ERBB4: variants seen among roughly 807,000 people sequenced by gnomAD.
ERBB4 encodes receptor tyrosine-protein kinase erbB-4.
Under a neutral mutation model 158.0 loss-of-function variants are expected in ERBB4, and 42 were observed. The observed-to-expected ratio is 0.27, with a 90% confidence interval of 0.21 to 0.34. The LOEUF (loss-of-function observed/expected upper bound fraction) is 0.34. Among genes scored for constraint, ERBB4 ranks in the 10% least tolerant of loss-of-function variants. The pLI, the probability that ERBB4 is intolerant of heterozygous loss-of-function variation, is 1.00. For missense variants in ERBB4, 1,333 were observed against 1,624.1 expected (o/e 0.82, Z 3.08); for synonymous variants, 583 against 558.7 (o/e 1.04, Z -0.61).
At chr2:212,132,880 TTAAC>T (rs1447014118) in intron 1 of ERBB4, among the ~76,000 whole-genome samples, 1 of 151,998 alleles carries the variant, frequency 6.6e-6, no homozygotes, top group South Asian at 2.1e-4. Flanking sequence ...ACATAGAAAA[TTAAC>T]TATCATAAGC....
chr2:212,427,320 G>A (rs1349763657), intron 1 of ERBB4, among the ~76,000 whole-genome samples: 1 of 152,132 alleles, frequency 6.6e-6, no homozygotes, highest in Non-Finnish European at 1.5e-5. Flanking sequence ...AGGTAGAGAT[G>A]ACAGTTTATC....
chr2:211,731,640 T>C (rs531762894), intron 5 of ERBB4, among the ~76,000 whole-genome samples: 1 of 152,274 alleles, frequency 6.6e-6, no homozygotes, highest in South Asian at 2.1e-4. Flanking sequence ...AGGTACCCTC[T>C]AGCTCTAAGA....
At chr2:211,872,468 CTTT>C (rs1192070241) in intron 3 of ERBB4, among the ~76,000 whole-genome samples, 1 of 152,080 alleles carries the variant, frequency 6.6e-6, no homozygotes, top group Non-Finnish European at 1.5e-5. Flanking sequence ...CAGTCTTGTC[CTTT>C]TTAAGATTTA....
rs116395564 is a variant in ERBB4 at position 211,378,666 on chromosome 2, G to A, written c.*4949C>T. 0.015 allele frequency: 3,560 copies of A among 232,192 alleles called. 114 individuals are homozygous for A. The highest frequency in any genetic ancestry group is 0.069 in the African/African-American group (3,125 of 45,284). 14.4% of individuals were successfully genotyped at this position (232,192 alleles called of 1,614,324 possible). A position where few individuals can be genotyped will look rare whatever the true frequency, so the allele number is the denominator to read the frequency against. ...CCATTGTAATATCAGTAATAATGAG[G>A]TCTCCACTGATAATGATCTTTTAAA... On this transcript the variant is annotated 3_prime_UTR_variant, in exon 28 of 28. Coordinates refer to ENST00000342788, the MANE Select transcript of ERBB4 (RefSeq NM_005235.3).
At chr2:212,102,678 T>G (rs1467876826) in intron 2 of ERBB4, among the ~76,000 whole-genome samples, 1 of 152,162 alleles carries the variant, frequency 6.6e-6, no homozygotes, top group East Asian at 1.9e-4. Context: ...CTACTTGATA[T>G]ATCTCACTTT....
intron 1 of ERBB4, among the ~76,000 whole-genome samples, chr2:212,347,848 G>C (rs2089079971): frequency 1.3e-5 from 2 of 151,980 alleles, no homozygotes. Context: ...ATAAGTTTTA[G>C]TGGTCTGGTC....
intron 18 of ERBB4, among the ~76,000 whole-genome samples, chr2:211,622,487 G>T (rs2069641373): frequency 6.6e-6 from 1 of 152,018 alleles, no homozygotes; most frequent in Admixed American, 6.6e-5. Context: ...AAGGATATTA[G>T]ATTATTTTGG....
chr2:212,106,291 G>A lies in ERBB4; in HGVS notation c.234+18461C>T, dbSNP rs558612954. ...AATCCAAGCTGAGGTAGTCTCAGAT[G>A]GAGATGAAGAACTTGTTGGGAAGTG... On this transcript the variant is annotated intron_variant, in intron 2 of 27. Coordinates refer to ENST00000342788, the MANE Select transcript of ERBB4 (RefSeq NM_005235.3). Among the ~76,000 whole-genome samples, 132 of 152,282 alleles carry A rather than the reference G, an allele frequency of 8.7e-4. 1 individual carries two copies. Among genetic ancestry groups the A allele is most frequent in the African/African-American group, 2.9e-3 (120 of 41,568 alleles).
At chr2:211,709,319 G>A (rs1449738876) in intron 9 of ERBB4, among the ~76,000 whole-genome samples, 1 of 143,720 alleles carries the variant, frequency 7.0e-6, no homozygotes, top group Admixed American at 6.8e-5. Context: ...GAGAGAGAGA[G>A]AGAGTAATTT....
intron 1 of ERBB4, among the ~76,000 whole-genome samples, chr2:212,128,144 C>T (rs1268673562): frequency 1.3e-5 from 2 of 152,122 alleles, no homozygotes; most frequent in Admixed American, 6.5e-5. Flanking sequence ...TCATTTATTG[C>T]CTTTGAGAAT....
At chr2:211,990,574 T>C (rs958073784) in intron 2 of ERBB4, among the ~76,000 whole-genome samples, 2 of 151,726 alleles carry the variant, frequency 1.3e-5, no homozygotes, top group Non-Finnish European at 2.9e-5. Flanking sequence ...TTCAGGCAGT[T>C]CCCAATTTAG....
rs191508765 is a variant in ERBB4 at position 211,548,929 on chromosome 2, C to T, written c.2487+12974G>A. Among the ~76,000 whole-genome samples, 331 of 152,198 alleles carry T rather than the reference C, an allele frequency of 2.2e-3. 4 individuals carry two copies. The highest frequency in any genetic ancestry group is 2.7e-3 in the Non-Finnish European group (184 of 68,012). Reference sequence around the variant, plus strand: ...AGACCTTCTGGGGCTCCTTCCTGCACCAACATTTCAATAGACTCTGCTAAT... The same window carrying T: ...AGACCTTCTGGGGCTCCTTCCTGCATCAACATTTCAATAGACTCTGCTAAT... On this transcript the variant is annotated intron_variant, in intron 20 of 27. Coordinates refer to ENST00000342788, the MANE Select transcript of ERBB4 (RefSeq NM_005235.3).
chr2:211,907,912 G>T (rs540222858), intron 3 of ERBB4, among the ~76,000 whole-genome samples: 1 of 151,732 alleles, frequency 6.6e-6, no homozygotes, highest in African/African-American at 2.4e-5. Context: ...TATGCAAAAA[G>T]TTATACAGCA....
chr2:211,388,116 A>C, intron 25 of ERBB4, 124 bp from the exon 26 acceptor site: 1 of 753,554 alleles, frequency 1.3e-6, no homozygotes, highest in Non-Finnish European at 2.4e-6. Context: ...AAAGTGCACA[A>C]CAGTGAAGCT....
chr2:211,648,540 A>C (rs1476778796), intron 16 of ERBB4, among the ~76,000 whole-genome samples: 1 of 151,804 alleles, frequency 6.6e-6, no homozygotes, highest in Non-Finnish European at 1.5e-5. Context: ...ATTGTGAAAT[A>C]ACATATATGG....
chr2:212,378,183 G>A (rs989673218), intron 1 of ERBB4, among the ~76,000 whole-genome samples: 12 of 151,856 alleles, frequency 7.9e-5, no homozygotes, highest in South Asian at 2.1e-4. Context: ...TGGGACTACC[G>A]TCATTAATGC....
At chr2:212,050,357 T>C (rs1378159618) in intron 2 of ERBB4, among the ~76,000 whole-genome samples, 1 of 152,166 alleles carries the variant, frequency 6.6e-6, no homozygotes, top group South Asian at 2.1e-4. Flanking sequence ...CACATTATCA[T>C]TTTAGCTTTC....
rs1491239788 is a variant in ERBB4 at position 211,939,966 on chromosome 2, A to AAAAAAAATATATAT, written c.421+7463_421+7464insATATATATTTTTTT. On this transcript the variant is annotated intron_variant, in intron 3 of 27. Coordinates refer to ENST00000342788, the MANE Select transcript of ERBB4 (RefSeq NM_005235.3). ...CGTCTCAAAAAAAAAGGAAAAAAAA[A>AAAAAAAATATATAT]ATATATATATATATGTATATAGATA... Among the ~76,000 whole-genome samples the AAAAAAAATATATAT allele has an allele frequency of 2.8e-4, 39 of 137,410 alleles. No individual in the cohort carries two copies. In the South Asian group the frequency reaches 7.2e-3, roughly 25 times the overall value. The allele number at this position is 137,410 out of a possible 152,430, so 90.1% of individuals were successfully genotyped here. A position where few individuals can be genotyped will look rare whatever the true frequency, so the allele number is the denominator to read the frequency against.
chr2:212,026,731 A>G (rs1021104622), intron 2 of ERBB4, among the ~76,000 whole-genome samples: 1 of 151,890 alleles, frequency 6.6e-6, no homozygotes. Flanking sequence ...AACTCTTCCT[A>G]GAAGCAATAT....
Sources: allele counts gnomAD v4.1 joint callset (sites outside exome capture counted in the v4.1 genomes callset), GRCh38; gene constraint gnomAD v4.1.1; transcripts MANE v1.5; gene names NCBI Gene and HGNC (gene_info 2026-07-23, HGNC 2026-07-21).